Variants in PRKCB observed in about 807,000 individuals in gnomAD.
PRKCB encodes protein kinase C beta type.
In PRKCB, 13 loss-of-function variants were observed where a neutral mutation model predicts 81.5. The observed-to-expected ratio is 0.16, with a 90% CI of 0.10 to 0.25. PRKCB has a LOEUF of 0.25. Ranked by LOEUF, PRKCB falls within the 10% of genes least tolerant of loss-of-function variation. PRKCB has a pLI of 1.00. For synonymous variants in PRKCB, 335 were observed against 321.4 expected, an observed-to-expected ratio of 1.04 and a Z score of -0.45; for missense variants, 509 against 875.7, an observed-to-expected ratio of 0.58 and a Z score of 5.29.
At chr16:23,900,718 GTTTTTTTTTTTTTTTTTT>G (rs56897816) in intron 2 of PRKCB, among the ~76,000 whole-genome samples, 1 of 62,232 alleles carries the variant, frequency 1.6e-5, no homozygotes, top group Non-Finnish European at 2.7e-5. Flanking sequence ...AGCTGCACAG[GTTTTTTTTTTTTTTTTTT>G]TTTTTTTTTT....
At chr16:24,209,000 A>G (rs545511908) in intron 16 of PRKCB, among the ~76,000 whole-genome samples, 2 of 152,054 alleles carry the variant, frequency 1.3e-5, no homozygotes, top group Non-Finnish European at 2.9e-5. Context: ...CTGAGGCAGG[A>G]GGGAGTGGGG....
chr16:23,938,587 GC>G (rs2141765621), intron 2 of PRKCB, among the ~76,000 whole-genome samples: 1 of 152,310 alleles, frequency 6.6e-6, no homozygotes, highest in East Asian at 1.9e-4. Context: ...CAAAATCCTA[GC>G]ATATAAATGA....
chr16:23,964,407 T>A (rs1156421461), intron 2 of PRKCB, among the ~76,000 whole-genome samples: 1 of 152,222 alleles, frequency 6.6e-6, no homozygotes, highest in Non-Finnish European at 1.5e-5. Flanking sequence ...AATTGAGTAG[T>A]TGTGACAGAG....
intron 7 of PRKCB, among the ~76,000 whole-genome samples, chr16:24,100,372 G>A (rs1037643239): frequency 6.6e-6 from 1 of 152,160 alleles, no homozygotes; most frequent in African/African-American, 2.4e-5. Context: ...TAGCTTTGGG[G>A]CATCATTCTG....
intron 2 of PRKCB, among the ~76,000 whole-genome samples, chr16:23,977,788 T>C (rs893087147): frequency 9.2e-5 from 14 of 152,170 alleles, no homozygotes; most frequent in Admixed American, 2.0e-4. Flanking sequence ...AGATGACCCC[T>C]GAACTCTAGC....
At chr16:24,176,894 CAAAAAA>C (rs34201635) in intron 12 of PRKCB, among the ~76,000 whole-genome samples, 12 of 96,478 alleles carry the variant, frequency 1.2e-4, no homozygotes, top group African/African-American at 4.5e-4. Context: ...AACTCCATTT[CAAAAAA>C]AAAAAAAAAA....
intron 16 of PRKCB, among the ~76,000 whole-genome samples, chr16:24,210,250 T>A (rs1282075645): frequency 6.6e-6 from 1 of 152,168 alleles, no homozygotes; most frequent in Non-Finnish European, 1.5e-5. Flanking sequence ...CTGCTCTGGC[T>A]CGTGGCCCGC....
At position 24,220,522 on chromosome 16, in the gene PRKCB, G is replaced by A; in HGVS notation, c.*5706G>A. 6.3e-6 allele frequency: 1 copy of A among 158,618 alleles called. No individual in the cohort carries two copies. Among genetic ancestry groups the A allele is most frequent in the Admixed American group, 6.2e-5 (1 of 16,226 alleles). The allele number at this position is 158,618 out of a possible 1,614,324, so 9.8% of individuals were successfully genotyped here. A position where few individuals can be genotyped will look rare whatever the true frequency, so the allele number is the denominator to read the frequency against. ...TGAGCGATATTTTTAAAAATTGTGA[G>A]TAAGCTTTGCAGTTACTGTGAACTA... is the stretch of plus-strand genomic sequence containing the variant. On this transcript the variant is annotated 3_prime_UTR_variant, in exon 17 of 17. Coordinates refer to ENST00000643927, the MANE Select transcript of PRKCB (RefSeq NM_002738.7).
chr16:23,856,682 C>T (rs931353078), intron 2 of PRKCB, among the ~76,000 whole-genome samples: 7 of 152,054 alleles, frequency 4.6e-5, no homozygotes, highest in African/African-American at 1.5e-4. Context: ...TGCCATCATG[C>T]CTGGCTAATT....
rs1049673781 is a variant in PRKCB at position 23,836,114 on chromosome 16, C to T, written c.-62C>T. On this transcript the variant is annotated 5_prime_UTR_variant, in exon 1 of 17. Transcript: ENST00000643927. ...CCGCCTCCCGCGCCTCCCCGGCCCGCAGCCCGCGGTCCCGCGGCCCCGGGG... is the reference window on the plus strand; with the variant it reads ...CCGCCTCCCGCGCCTCCCCGGCCCGTAGCCCGCGGTCCCGCGGCCCCGGGG... The T allele has an allele frequency of 7.1e-6, 8 of 1,124,762 alleles. No homozygotes were observed. Among genetic ancestry groups the T allele is most frequent in the Non-Finnish European group, 8.8e-6 (8 of 911,826 alleles). The allele number at this position is 1,124,762 out of a possible 1,614,324, so 69.7% of individuals were successfully genotyped here. A position where few individuals can be genotyped will look rare whatever the true frequency, so the allele number is the denominator to read the frequency against.
At chr16:24,120,123 C>T (rs1966782350) in intron 8 of PRKCB, among the ~76,000 whole-genome samples, 1 of 152,106 alleles carries the variant, frequency 6.6e-6, no homozygotes, top group Non-Finnish European at 1.5e-5. Context: ...CAATGCTGTT[C>T]AGATGAAATT....
chr16:24,214,524 C>T, intron 16 of PRKCB, 134 bp from the exon 17 acceptor site: 1 of 738,918 alleles, frequency 1.4e-6, no homozygotes, highest in Non-Finnish European at 2.2e-6. Flanking sequence ...TCATTTGAAA[C>T]AACCTCTCTG....
In PRKCB at chr16:23,837,617, A is replaced by G. The variant is rs995269188; in HGVS notation, c.205+211A>G. 1.8e-4 allele frequency among the ~76,000 whole-genome samples: 28 copies of G among 152,092 alleles called. 1 individual carries two copies. The highest frequency in any genetic ancestry group is 5.9e-5 in the Non-Finnish European group (4 of 68,008). Reference sequence around the variant, plus strand: ...GCTTGGGAGTCTTACATGCCAAGGAAGTTCACCTACCCTTCCTGCCTTCCC... The same window carrying G: ...GCTTGGGAGTCTTACATGCCAAGGAGGTTCACCTACCCTTCCTGCCTTCCC... On this transcript the variant is annotated intron_variant, in intron 2 of 16. Transcript: ENST00000643927.
chr16:23,857,340 T>A (rs565639126), intron 2 of PRKCB, among the ~76,000 whole-genome samples: 79 of 152,102 alleles, frequency 5.2e-4, no homozygotes, highest in Non-Finnish European at 1.0e-3. Flanking sequence ...AGAAGTGTTT[T>A]ATGAGCAGAA....
At chr16:23,858,037 G>A (rs575221340) in intron 2 of PRKCB, among the ~76,000 whole-genome samples, 101 of 152,186 alleles carry the variant, frequency 6.6e-4, no homozygotes, top group Non-Finnish European at 9.7e-4. Context: ...TTCAAAAATA[G>A]ACTTGGTTTT....
At chr16:24,193,481 A>G (rs1596592388) in intron 16 of PRKCB, among the ~76,000 whole-genome samples, 1 of 150,102 alleles carries the variant, frequency 6.7e-6, no homozygotes, top group Non-Finnish European at 1.5e-5. Flanking sequence ...ATAAATAAAT[A>G]AATAAATAAA....
chr16:24,047,696 A>C (rs1463368071), intron 5 of PRKCB, among the ~76,000 whole-genome samples: 4 of 152,214 alleles, frequency 2.6e-5, no homozygotes, highest in Non-Finnish European at 5.9e-5. Flanking sequence ...ATTGGAACAT[A>C]AGAAACACCC....
Position 23,949,425 on chromosome 16 carries a change from G to T in PRKCB, c.206-39083G>T, listed in dbSNP as rs578185000. Among the ~76,000 whole-genome samples, 5 of 152,290 alleles carry T rather than the reference G, an allele frequency of 3.3e-5. No individual in the cohort carries two copies. In the East Asian group the frequency reaches 9.6e-4, roughly 29 times the overall value. On this transcript the variant is annotated intron_variant, in intron 2 of 16. Coordinates refer to ENST00000643927, the MANE Select transcript of PRKCB (RefSeq NM_002738.7). ...AGTACTATCTTGGGCAGAGCTCTTT[G>T]GAGAAGCAGGTTGGCTAACTGGCCA...
chr16:24,179,369 A>G (rs951331847), intron 12 of PRKCB, among the ~76,000 whole-genome samples: 1 of 152,222 alleles, frequency 6.6e-6, no homozygotes, highest in Non-Finnish European at 1.5e-5. Flanking sequence ...ACACTAGAAT[A>G]GACAGAACCA....
Sources: allele counts gnomAD v4.1 joint callset (sites outside exome capture counted in the v4.1 genomes callset), GRCh38; gene constraint gnomAD v4.1.1; transcripts MANE v1.5; gene names NCBI Gene and HGNC (gene_info 2026-07-23, HGNC 2026-07-21).